GAB1: variants seen among roughly 807,000 people sequenced by gnomAD.
GAB1 encodes GRB2-associated-binding protein 1.
GAB1 carries 19 observed loss-of-function variants against 66.5 expected under a neutral mutation model. That is an observed-to-expected ratio of 0.29 (90% CI 0.20 to 0.42). The LOEUF (loss-of-function observed/expected upper bound fraction) is 0.42, where lower values mean the gene tolerates loss of function less well. Among genes scored for constraint, GAB1 ranks in the 10% least tolerant of loss-of-function variants. The pLI, the probability that GAB1 is intolerant of heterozygous loss-of-function variation, is 1.00. For synonymous variants in GAB1, 294 were observed against 301.4 expected (o/e 0.98, Z 0.25); for missense variants, 732 against 858.5 (o/e 0.85, Z 1.84).
intron 1 of GAB1, among the ~76,000 whole-genome samples, chr4:143,414,934 C>A (rs1348477024): frequency 6.6e-6 from 1 of 152,174 alleles, no homozygotes; most frequent in East Asian, 1.9e-4. Flanking sequence ...TTCTTCAACT[C>A]AAACTCTAGG....
At chr4:143,384,058 G>A (rs1019684267) in intron 1 of GAB1, among the ~76,000 whole-genome samples, 2 of 151,966 alleles carry the variant, frequency 1.3e-5, no homozygotes, top group Non-Finnish European at 2.9e-5. Flanking sequence ...GGGTGACAGA[G>A]CAAGACCTTG....
intron 6 of GAB1, 97 bp from the exon 7 acceptor site, chr4:143,459,288 C>G: frequency 1.3e-6 from 1 of 751,512 alleles, no homozygotes; most frequent in Non-Finnish European, 2.3e-6. Context: ...TAGGTTTACT[C>G]TGGCTATCAA....
At chr4:143,439,487 A>T (rs945482062) in intron 4 of GAB1, among the ~76,000 whole-genome samples, 6 of 152,196 alleles carry the variant, frequency 3.9e-5, no homozygotes, top group African/African-American at 1.4e-4. Context: ...AGTTATGCCC[A>T]AGGTGGTGCA....
intron 1 of GAB1, among the ~76,000 whole-genome samples, chr4:143,362,949 G>C (rs1729724244): frequency 6.6e-6 from 1 of 152,176 alleles, no homozygotes; most frequent in South Asian, 2.1e-4. Context: ...TTGAACAGTT[G>C]CTGTGTGCTT....
At chr4:143,450,813 C>T (rs1215771353) in intron 6 of GAB1, among the ~76,000 whole-genome samples, 4 of 151,936 alleles carry the variant, frequency 2.6e-5, no homozygotes, top group African/African-American at 9.7e-5. Context: ...ATTGCTTGAA[C>T]CTAGGATTTG....
intron 6 of GAB1, among the ~76,000 whole-genome samples, chr4:143,455,989 C>T (rs770025175): frequency 5.3e-5 from 8 of 152,174 alleles, no homozygotes; most frequent in Non-Finnish European, 1.2e-4. Flanking sequence ...TAAAGTGTAA[C>T]CTGAACAAAT....
At chr4:143,372,082 T>C (rs1730146594) in intron 1 of GAB1, among the ~76,000 whole-genome samples, 1 of 152,162 alleles carries the variant, frequency 6.6e-6, no homozygotes, top group South Asian at 2.1e-4. Context: ...CCTGGCACTT[T>C]TGGAGCCCCA....
At chr4:143,352,037 A>G (rs538537180) in intron 1 of GAB1, among the ~76,000 whole-genome samples, 3 of 152,338 alleles carry the variant, frequency 2.0e-5, no homozygotes, top group South Asian at 2.1e-4. Context: ...TTTGATCACT[A>G]GAGGGTTTAG....
intron 2 of GAB1, chr4:143,425,974 C>A (rs1422381438): frequency 4.2e-6 from 3 of 715,262 alleles, no homozygotes; most frequent in Non-Finnish European, 7.1e-6. Flanking sequence ...AAATAAACAT[C>A]AGTATCTAAA....
chr4:143,470,327 G>A lies in GAB1; in HGVS notation c.*1138G>A, dbSNP rs933618952. On this transcript the variant is annotated 3_prime_UTR_variant, in exon 10 of 10. Coordinates refer to ENST00000262994, the MANE Select transcript of GAB1 (RefSeq NM_002039.4). ...TTTAAAAAAAATAGATGTTATATAA[G>A]TGATTCTCGTATGTAGCACCTGTTG... The A allele has an allele frequency of 2.0e-5, 3 of 151,980 alleles. No homozygotes were observed. The highest frequency in any genetic ancestry group is 4.4e-5 in the Non-Finnish European group (3 of 68,032). 9.4% of individuals were successfully genotyped at this position (151,980 alleles called of 1,614,324 possible).
chr4:143,337,938 G>A (rs190891068), intron 1 of GAB1, among the ~76,000 whole-genome samples: 94 of 152,294 alleles, frequency 6.2e-4, no homozygotes, highest in African/African-American at 2.0e-3. Flanking sequence ...GAGGGCGCTG[G>A]GGGGGAGCCT....
At chr4:143,419,895 C>T (rs540845618) in intron 2 of GAB1, among the ~76,000 whole-genome samples, 6 of 152,082 alleles carry the variant, frequency 3.9e-5, no homozygotes, top group Non-Finnish European at 8.8e-5. Flanking sequence ...ATACTTTATT[C>T]TGTAATTTTG....
chr4:143,365,025 C>T (rs1329618700), intron 1 of GAB1, among the ~76,000 whole-genome samples: 1 of 151,558 alleles, frequency 6.6e-6, no homozygotes, highest in African/African-American at 2.4e-5. Flanking sequence ...CTACAGGCGC[C>T]CGCCACCACG....
intron 4 of GAB1, chr4:143,439,500 C>T (rs902802732): frequency 1.0e-5 from 3 of 301,432 alleles, no homozygotes; most frequent in Admixed American, 4.4e-5. Flanking sequence ...GTGGTGCAAA[C>T]GATGAGAAAA....
At chr4:143,432,282 T>A (rs1733699051) in intron 2 of GAB1, among the ~76,000 whole-genome samples, 1 of 152,176 alleles carries the variant, frequency 6.6e-6, no homozygotes, top group Non-Finnish European at 1.5e-5. Context: ...CAAAAAGGCT[T>A]AGAAATGAAA....
intron 1 of GAB1, among the ~76,000 whole-genome samples, chr4:143,354,177 T>A (rs991964309): frequency 4.6e-5 from 7 of 152,216 alleles, no homozygotes; most frequent in African/African-American, 1.7e-4. Context: ...GGACTTGCTC[T>A]CTTCATTTCA....
chr4:143,374,042 A>T (rs1730304490), intron 1 of GAB1, among the ~76,000 whole-genome samples: 1 of 151,298 alleles, frequency 6.6e-6, no homozygotes. Flanking sequence ...CTTATTTATG[A>T]GTTGGAGTGA....
intron 2 of GAB1, among the ~76,000 whole-genome samples, chr4:143,426,802 T>C (rs1456961219): frequency 6.6e-6 from 1 of 152,230 alleles, no homozygotes; most frequent in Non-Finnish European, 1.5e-5. Context: ...ATAAACATGC[T>C]TGTGGTACAT....
chr4:143,431,943 A>G (rs1019099202), intron 2 of GAB1, among the ~76,000 whole-genome samples: 3 of 150,086 alleles, frequency 2.0e-5, no homozygotes, highest in South Asian at 4.2e-4. Flanking sequence ...CTGAAAAAAG[A>G]AAAAAAAAAG....
Sources: allele counts gnomAD v4.1 joint callset (sites outside exome capture counted in the v4.1 genomes callset), GRCh38; gene constraint gnomAD v4.1.1; transcripts MANE v1.5; gene names NCBI Gene and HGNC (gene_info 2026-07-23, HGNC 2026-07-21).